ZNF347: variants seen among roughly 807,000 people sequenced by gnomAD.
ZNF347 encodes CTD-2620I22.7.
ZNF347 carries 19 observed loss-of-function variants against 12.9 expected under a neutral mutation model. The observed-to-expected ratio is 1.47, with a 90% CI of 1.03 to 2.16. The LOEUF (loss-of-function observed/expected upper bound fraction) is 2.16, where lower values mean the gene tolerates loss of function less well. Ranked by LOEUF, ZNF347 falls within the 30% of genes most tolerant of loss-of-function variation. ZNF347 has a pLI of 0.00. For synonymous variants in ZNF347, 328 were observed against 340.6 expected (o/e 0.96, Z 0.41); for missense variants, 1,005 against 990.6 (o/e 1.01, Z -0.19).
Position 53,140,774 on chromosome 19 carries a change from T to C in ZNF347, c.2054A>G (p.Glu685Gly), listed in dbSNP as rs769737475. Reference sequence around the variant, plus strand: ...TGTTTGACTAAAGGCTTTGCCACATTCATTACACTGGTAAGGTTTACCTCC... The same window carrying C: ...TGTTTGACTAAAGGCTTTGCCACATCCATTACACTGGTAAGGTTTACCTCC... Reference protein sequence around the residue: ...HTGGKPYQCNECGKAFSQTSK... With the variant: ...HTGGKPYQCNGCGKAFSQTSK... The change falls in exon 5 of 5, where the codon GAA (glutamate) becomes GGA (glycine). Residue 685 changes from glutamate (E) to glycine (G), a missense_variant. Glu to Gly is a moderately conservative substitution (Grantham distance 98, BLOSUM62 -2). Transcript: ENST00000334197. 1 of 1,612,880 alleles carries C rather than the reference T, an allele frequency of 6.2e-7. No homozygotes were observed. Among genetic ancestry groups the C allele is most frequent in the Non-Finnish European group, 8.5e-7 (1 of 1,179,294 alleles).
At chr19:53,149,500 A>G in intron 2 of ZNF347, 133 bp from the exon 3 acceptor site, 1 of 1,480,442 alleles carries the variant, frequency 6.8e-7, no homozygotes, top group Non-Finnish European at 9.0e-7. Context: ...AAATATACAT[A>G]TGGTCTTCAT....
Position 53,138,195 on chromosome 19 carries a change from A to G in ZNF347, c.*2113T>C, listed in dbSNP as rs1334782755. ...CAATGGCGCGATCTTGGCTCACTGC[A>G]ACCTCTGCCTCCAGGCTCAAGTGAT... On this transcript the variant is annotated 3_prime_UTR_variant, in exon 5 of 5. Coordinates refer to ENST00000334197, the MANE Select transcript of ZNF347 (RefSeq NM_032584.3). 2.0e-5 allele frequency: 3 copies of G among 152,128 alleles called. No homozygotes were observed. Among genetic ancestry groups the G allele is most frequent in the Non-Finnish European group, 2.9e-5 (2 of 68,184 alleles). The allele number at this position is 152,128 out of a possible 1,614,324, so 9.4% of individuals were successfully genotyped here.
intron 4 of ZNF347, among the ~76,000 whole-genome samples, chr19:53,146,059 T>C (rs1012625295): frequency 1.3e-4 from 20 of 151,912 alleles, no homozygotes; most frequent in Non-Finnish European, 2.4e-4. Context: ...CACCATAACC[T>C]CTGCCTCCCA....
chr19:53,143,333 C>T lies in ZNF347; in HGVS notation c.272-777G>A, dbSNP rs1341267061. 2.5e-4 allele frequency among the ~76,000 whole-genome samples: 38 copies of T among 150,478 alleles called. No individual in the cohort carries two copies. In the South Asian group the frequency reaches 5.1e-3, roughly 20 times the overall value. On this transcript the variant is annotated intron_variant, in intron 4 of 4. Transcript: ENST00000334197. ...TGTTGGTGTGCTGCACCCATTAACTCGTCATTTAACATTAGGTATATCTCC... is the reference window on the plus strand; with the variant it reads ...TGTTGGTGTGCTGCACCCATTAACTTGTCATTTAACATTAGGTATATCTCC...
rs751094793 is a variant in ZNF347, at chr19:53,140,600, C to T, written c.2228G>A (p.Gly743Glu). Residue 743 changes from glycine (G) to glutamate (E), a missense_variant, in exon 5 of 5, where the codon GGG (glycine) becomes GAG (glutamate). Physicochemically the swap from Gly to Glu is moderately conservative, Grantham distance 98. Transcript: ENST00000334197. ...GTGTGAATTCTGAGTGAAGACCTTCCCACACTCATTGCATTTGTAAGGTTT... is the reference window on the plus strand; with the variant it reads ...GTGTGAATTCTGAGTGAAGACCTTCTCACACTCATTGCATTTGTAAGGTTT... ...GKKPYKCNECGKVFTQNSHLA... is the reference protein window; with the variant it reads ...GKKPYKCNECEKVFTQNSHLA... The T allele has an allele frequency of 1.9e-6, 3 of 1,613,158 alleles. No homozygotes were observed. Among genetic ancestry groups the T allele is most frequent in the South Asian group, 2.2e-5 (2 of 91,014 alleles).
At chr19:53,145,207 C>G (rs1275025681) in intron 4 of ZNF347, among the ~76,000 whole-genome samples, 1 of 147,826 alleles carries the variant, frequency 6.8e-6, no homozygotes, top group Non-Finnish European at 1.5e-5. Context: ...AGGAGAATTG[C>G]TTGATCCCAG....
chr19:53,146,962 A>C (rs2090467028), intron 4 of ZNF347, among the ~76,000 whole-genome samples: 1 of 152,214 alleles, frequency 6.6e-6, no homozygotes, highest in Admixed American at 6.5e-5. Flanking sequence ...CTGGCTAGGC[A>C]TGTTAGCTCA....
chr19:53,142,116 A>C lies in ZNF347; in HGVS notation c.712T>G (p.Tyr238Asp). The change falls in exon 5 of 5, where the codon TAT (tyrosine) becomes GAT (aspartate). Residue 238 changes from tyrosine (Y) to aspartate (D), a missense_variant. Physicochemically the swap from Tyr to Asp is radical, Grantham distance 160 (BLOSUM62 -3). Coordinates refer to ENST00000334197, the MANE Select transcript of ZNF347 (RefSeq NM_032584.3). ...YNVKTHISKK[Y>D]LKDFISSLLL... ...AAAGAAGAGATAAAATCTTTGAGAT[A>C]TTTCTTAGAAATGTGGGTTTTGACA... is the stretch of plus-strand genomic sequence containing the variant. 6.2e-7 allele frequency: 1 copy of C among 1,612,868 alleles called. No individual in the cohort carries two copies. Among genetic ancestry groups the C allele is most frequent in the Non-Finnish European group, 8.5e-7 (1 of 1,179,712 alleles).
In ZNF347 at chr19:53,135,339, T is replaced by TATAG. The variant is rs2090381896; in HGVS notation, c.*4968_*4969insCTAT. On this transcript the variant is annotated 3_prime_UTR_variant, in exon 5 of 5. Transcript: ENST00000334197. ...ATATATATATATATATATATATATATAGAGAGAGAGAGAGAGAGAGAGAGA... is the reference window on the plus strand; with the variant it reads ...ATATATATATATATATATATATATATATAGAGAGAGAGAGAGAGAGAGAGAGAGA... 2 of 85,256 alleles carry TATAG rather than the reference T, an allele frequency of 2.3e-5. No individual in the cohort carries two copies. The highest frequency in any genetic ancestry group is 1.2e-4 in the African/African-American group (2 of 17,188). 5.3% of individuals were successfully genotyped at this position (85,256 alleles called of 1,614,324 possible).
chr19:53,152,009 C>T (rs1331734443), intron 2 of ZNF347, among the ~76,000 whole-genome samples: 1 of 143,992 alleles, frequency 6.9e-6, no homozygotes, highest in Non-Finnish European at 1.5e-5. Context: ...AGGAGAATCG[C>T]TTGAACCCGG....
Position 53,141,249 on chromosome 19 carries a change from G to T in ZNF347, c.1579C>A (p.His527Asn). 1 of 1,613,660 alleles carries T rather than the reference G, an allele frequency of 6.2e-7. No homozygotes were observed. Among genetic ancestry groups the T allele is most frequent in the Middle Eastern group, 1.7e-4 (1 of 6,056 alleles). Reference protein sequence around the residue: ...ECGKVFTQNSHLANHQRIHTG... With the variant: ...ECGKVFTQNSNLANHQRIHTG... ...TGAATTCTTTGATGATTTGCAAGGT[G>T]TGAATTTTGAGTGAAGACCTTGCCA... Residue 527 changes from histidine (H) to asparagine (N), a missense_variant, in exon 5 of 5, where the codon CAC (histidine) becomes AAC (asparagine). Physicochemically the swap from His to Asn is moderately conservative, Grantham distance 68. Transcript: ENST00000334197.
intron 4 of ZNF347, among the ~76,000 whole-genome samples, chr19:53,147,541 T>C (rs1342971163): frequency 6.6e-6 from 1 of 150,794 alleles, no homozygotes; most frequent in African/African-American, 2.4e-5. Flanking sequence ...CTGGGTGAGA[T>C]AGAGAGAGAG....
Position 53,141,583 on chromosome 19 carries a change from G to A in ZNF347, c.1245C>T (p.His415=), listed in dbSNP as rs1164760419. ...ECGKVFTQNS[H]LTNHWRIHTG... ...TGTGAATTCTCCAGTGATTTGTAAG[G>A]TGTGAATTTTGAGTGAAGACCTTGC... The change falls in exon 5 of 5, where the codon CAC becomes CAT. Residue 415 remains histidine, a synonymous_variant. Coordinates refer to ENST00000334197, the MANE Select transcript of ZNF347 (RefSeq NM_032584.3). The A allele has an allele frequency of 1.9e-6, 3 of 1,613,690 alleles. No homozygotes were observed. In the East Asian group the frequency reaches 6.7e-5, roughly 36 times the overall value.
chr19:53,140,341 C>G lies in ZNF347; in HGVS notation c.2487G>C (p.Glu829Asp). The stretch of plus-strand genomic sequence containing the variant: ...TCTGTGATGGCTTGCAAGGTTTGAA[C>G]TCTGACTTTAGAACTTTCCACACGT... The part of the protein sequence containing the change: ...KCNVWKVLKS[E>D]FKPCKPSQNS Residue 829 changes from glutamate to aspartate, a missense_variant, in exon 5 of 5, where the codon GAG (glutamate) becomes GAC (aspartate). Transcript: ENST00000334197. 1 of 1,571,348 alleles carries G rather than the reference C, an allele frequency of 6.4e-7. No individual in the cohort carries two copies. Among genetic ancestry groups the G allele is most frequent in the South Asian group, 1.2e-5 (1 of 82,860 alleles).
At chr19:53,153,683 T>C (rs771226911) in intron 2 of ZNF347, 50 bp downstream of exon 2, 39 of 1,601,490 alleles carry the variant, frequency 2.4e-5, no homozygotes, top group Non-Finnish European at 1.5e-5. Flanking sequence ...AAGAATGACA[T>C]TTCAAGAAGA....
At chr19:53,146,609 T>A (rs183644191) in intron 4 of ZNF347, among the ~76,000 whole-genome samples, 1 of 151,946 alleles carries the variant, frequency 6.6e-6, no homozygotes, top group Non-Finnish European at 1.5e-5. Context: ...ATAAGCAACA[T>A]CAACAAACTT....
intron 1 of ZNF347, 122 bp from the exon 2 acceptor site, chr19:53,153,915 TCA>T: frequency 4.3e-6 from 3 of 698,628 alleles, no homozygotes; most frequent in Non-Finnish European, 7.3e-6. Flanking sequence ...AGGGAAGACC[TCA>T]CCCTGTGGAA....
chr19:53,155,460 G>C (rs576865792), intron 1 of ZNF347, among the ~76,000 whole-genome samples: 1 of 151,938 alleles, frequency 6.6e-6, no homozygotes, highest in Non-Finnish European at 1.5e-5. Context: ...AGCCTTGCAA[G>C]TAGCTGGGAG....
Position 53,138,354 on chromosome 19 carries a change from T to A in ZNF347, c.*1954A>T, listed in dbSNP as rs1399320546. The A allele has an allele frequency of 1.3e-5, 2 of 152,086 alleles. No individual in the cohort carries two copies. The highest frequency in any genetic ancestry group is 4.8e-5 in the African/African-American group (2 of 41,400). The allele number at this position is 152,086 out of a possible 1,614,324, so 9.4% of individuals were successfully genotyped here. A position where few individuals can be genotyped will look rare whatever the true frequency, so the allele number is the denominator to read the frequency against. On this transcript the variant is annotated 3_prime_UTR_variant, in exon 5 of 5. Transcript: ENST00000334197. ...GCTGGTTCAAACTCCTGGACTCAAGTGACCCCCCTGCCTTGGGCTCTCAAA... is the reference window on the plus strand; with the variant it reads ...GCTGGTTCAAACTCCTGGACTCAAGAGACCCCCCTGCCTTGGGCTCTCAAA...
Sources: gnomAD v4.1 joint callset for allele counts (sites outside exome capture counted in the v4.1 genomes callset) on GRCh38, gnomAD v4.1.1 for gene constraint, MANE v1.5 for transcripts, NCBI Gene and HGNC (gene_info 2026-07-23, HGNC 2026-07-21) for gene names.